The following ADAMTS17 variants were observed in gnomAD, a reference collection of about 807,000 sequenced individuals.
ADAMTS17 encodes the protein A disintegrin and metalloproteinase with thrombospondin motifs 17.
ADAMTS17 carries 113 observed loss-of-function variants against 141.5 expected under a neutral mutation model. The observed-to-expected ratio is 0.80, with a 90% confidence interval of 0.69 to 0.93. The LOEUF is 0.93. ADAMTS17 is among the 40% of genes least tolerant of loss of function. The probability of loss-of-function intolerance (pLI) is 0.00; values close to 1 mark genes in which losing one functional copy is unlikely to be tolerated. For synonymous variants in ADAMTS17, 768 were observed against 630.6 expected, an observed-to-expected ratio of 1.22 and a Z score of -3.27; for missense variants, 1,659 against 1,517.9, an observed-to-expected ratio of 1.09 and a Z score of -1.54.
Position 100,204,312 on chromosome 15 carries a change from A to G in ADAMTS17, c.1076-4889T>C, listed in dbSNP as rs550785325. ...CAACCTTACAGGGTCTGCCTTTGAG[A>G]GAGATGGCTCAGTTTTTCCCACCAA... On this transcript the variant is annotated intron_variant, in intron 7 of 21. Transcript: ENST00000268070. Among the ~76,000 whole-genome samples, 4 of 152,328 alleles carry G rather than the reference A, an allele frequency of 2.6e-5. No homozygotes were observed. In the South Asian group the frequency reaches 8.3e-4, roughly 32 times the overall value.
chr15:100,005,558 T>C (rs985203803), intron 18 of ADAMTS17, among the ~76,000 whole-genome samples: 5 of 152,134 alleles, frequency 3.3e-5, no homozygotes, highest in African/African-American at 1.2e-4. Context: ...CCTTCTCTTC[T>C]GCCTCATCTC....
intron 15 of ADAMTS17, among the ~76,000 whole-genome samples, chr15:100,067,085 G>A (rs111290543): frequency 2.8e-5 from 4 of 142,546 alleles, no homozygotes; most frequent in African/African-American, 7.7e-5. Context: ...ACACTTTTCC[G>A]CTGTCTTCCC....
chr15:100,214,308 C>T (rs1322485802), intron 7 of ADAMTS17, among the ~76,000 whole-genome samples: 1 of 152,076 alleles, frequency 6.6e-6, no homozygotes, highest in Non-Finnish European at 1.5e-5. Context: ...ATTATCTTTG[C>T]TATGTGCTAA....
chr15:100,210,687 C>A (rs949013519), intron 7 of ADAMTS17, among the ~76,000 whole-genome samples: 18 of 152,188 alleles, frequency 1.2e-4, no homozygotes, highest in Admixed American at 4.6e-4. Context: ...AAGAGCTAGT[C>A]AGGCGCAGTG....
At chr15:100,287,968 C>T (rs965646900) in intron 3 of ADAMTS17, among the ~76,000 whole-genome samples, 1 of 152,178 alleles carries the variant, frequency 6.6e-6, no homozygotes, top group Non-Finnish European at 1.5e-5. Flanking sequence ...TATGTAATAA[C>T]CAGCTAGCAA....
intron 3 of ADAMTS17, among the ~76,000 whole-genome samples, chr15:100,314,099 A>G (rs1223675720): frequency 2.6e-5 from 4 of 152,256 alleles, no homozygotes; most frequent in Non-Finnish European, 4.4e-5. Flanking sequence ...GACAAAACCA[A>G]ATTTAAAGAC....
chr15:99,997,334 C>T lies in ADAMTS17; in HGVS notation c.2796+51G>A, dbSNP rs761847274. The stretch of plus-strand genomic sequence containing the variant: ...CCAGAATGTCACCAATACCATGGCA[C>T]CGTGTTGGAGTCCCTGTGGCTGAGT... On this transcript the variant is annotated intron_variant, in intron 19 of 21. Coordinates refer to ENST00000268070, the MANE Select transcript of ADAMTS17 (RefSeq NM_139057.4). This position sits in a 1 kb window ranked among gnomAD's most constrained non-coding sequence, Gnocchi z 4.7. The T allele has an allele frequency of 6.2e-7, 1 of 1,601,144 alleles. No individual in the cohort carries two copies. Among genetic ancestry groups the T allele is most frequent in the African/African-American group, 1.3e-5 (1 of 74,844 alleles).
chr15:100,198,095 CA>C (rs1334729981), intron 8 of ADAMTS17, among the ~76,000 whole-genome samples: 1 of 152,114 alleles, frequency 6.6e-6, no homozygotes, highest in Admixed American at 6.5e-5. Context: ...ATGGGTGCAG[CA>C]AACCACCATG....
At chr15:100,237,775 C>T (rs539486110) in intron 7 of ADAMTS17, among the ~76,000 whole-genome samples, 59 of 152,324 alleles carry the variant, frequency 3.9e-4, no homozygotes, top group Non-Finnish European at 6.6e-4. Context: ...AGGCACATGC[C>T]ACCACGCCTG....
At chr15:100,339,980 T>C (rs1479460130) in intron 2 of ADAMTS17, among the ~76,000 whole-genome samples, 1 of 152,146 alleles carries the variant, frequency 6.6e-6, no homozygotes, top group Non-Finnish European at 1.5e-5. Flanking sequence ...TTCTAGATGG[T>C]GGCACAAGAA....
At chr15:100,058,665 G>GCA (rs1567102959) in intron 15 of ADAMTS17, among the ~76,000 whole-genome samples, 12 of 152,176 alleles carry the variant, frequency 7.9e-5, no homozygotes, top group African/African-American at 2.4e-4. Flanking sequence ...GACACTGGGC[G>GCA]GCAGCAGCAG....
intron 3 of ADAMTS17, among the ~76,000 whole-genome samples, chr15:100,304,273 C>T (rs1261121384): frequency 6.6e-6 from 1 of 152,214 alleles, no homozygotes; most frequent in Non-Finnish European, 1.5e-5. Context: ...CCTGGCTCCA[C>T]TGTCTTCTGG....
Position 100,219,438 on chromosome 15 carries a change from G to A in ADAMTS17, c.1076-20015C>T, listed in dbSNP as rs184159314. The stretch of plus-strand genomic sequence containing the variant: ...AAGCAATGTTTTTTCCTACTTATAA[G>A]AGTATAACATGGTAGATATTCTCAA... On this transcript the variant is annotated intron_variant, in intron 7 of 21. Coordinates refer to ENST00000268070, the MANE Select transcript of ADAMTS17 (RefSeq NM_139057.4). Among the ~76,000 whole-genome samples the A allele has an allele frequency of 6.6e-5, 10 of 152,272 alleles. No individual in the cohort carries two copies. The East Asian group carries it at 1.9e-3, about 29-fold the overall frequency.
chr15:100,175,990 C>G (rs1034191915), intron 8 of ADAMTS17, among the ~76,000 whole-genome samples: 1 of 152,262 alleles, frequency 6.6e-6, no homozygotes, highest in African/African-American at 2.4e-5. Flanking sequence ...GATAGGGGAC[C>G]AACCCCTAGA....
intron 18 of ADAMTS17, among the ~76,000 whole-genome samples, chr15:100,017,975 T>C (rs1431132544): frequency 6.6e-6 from 1 of 152,224 alleles, no homozygotes; most frequent in African/African-American, 2.4e-5. Flanking sequence ...ACATTAAGTA[T>C]ATTTAAATTA....
intron 15 of ADAMTS17, among the ~76,000 whole-genome samples, chr15:100,090,824 G>T (rs554189711): frequency 6.6e-6 from 1 of 151,450 alleles, no homozygotes; most frequent in Non-Finnish European, 1.5e-5. Context: ...TGAACGACAC[G>T]GTGAAACCCC....
intron 7 of ADAMTS17, among the ~76,000 whole-genome samples, chr15:100,201,968 C>G (rs947451688): frequency 6.6e-6 from 1 of 152,224 alleles, no homozygotes; most frequent in African/African-American, 2.4e-5. Flanking sequence ...CCAGCAGTGC[C>G]CGCCCAGCCC....
At chr15:100,122,390 C>A (rs1039255300) in intron 12 of ADAMTS17, among the ~76,000 whole-genome samples, 1 of 152,188 alleles carries the variant, frequency 6.6e-6, no homozygotes, top group Non-Finnish European at 1.5e-5. Flanking sequence ...CAATTTGCTA[C>A]CTAAATAATC....
intron 15 of ADAMTS17, among the ~76,000 whole-genome samples, chr15:100,059,567 G>A (rs1329867313): frequency 3.9e-5 from 6 of 152,160 alleles, no homozygotes; most frequent in Non-Finnish European, 4.4e-5. Context: ...AGAAGTTCGC[G>A]CCTGACATCC....
Sources: allele counts gnomAD v4.1 joint callset (sites outside exome capture counted in the v4.1 genomes callset), GRCh38; gene constraint gnomAD v4.1.1; non-coding constraint Gnocchi (gnomAD v3.1); transcripts MANE v1.5; gene names NCBI Gene and HGNC (gene_info 2026-07-23, HGNC 2026-07-21).